Variants in EDEM1 observed in about 807,000 individuals in gnomAD.
EDEM1 encodes ER degradation-enhancing alpha-mannosidase-like protein 1.
Under a neutral mutation model 74.4 loss-of-function variants are expected in EDEM1, and 67 were observed. The ratio of observed to expected loss-of-function variants is 0.90; its 90% CI spans 0.74 to 1.10. EDEM1 has a LOEUF of 1.10. Among genes scored for constraint, EDEM1 ranks in the 50% least tolerant of loss-of-function variants. The pLI is 0.00. For synonymous variants in EDEM1, 382 were observed against 335.9 expected, an observed-to-expected ratio of 1.14 and a Z score of -1.50; for missense variants, 926 against 851.6, an observed-to-expected ratio of 1.09 and a Z score of -1.09.
chr3:5,212,490 C>T (rs2055178993), intron 10 of EDEM1, among the ~76,000 whole-genome samples: 1 of 152,158 alleles, frequency 6.6e-6, no homozygotes, highest in Admixed American at 6.5e-5. Flanking sequence ...GAAGGTGACC[C>T]TGGAGGGTGT....
intron 2 of EDEM1, among the ~76,000 whole-genome samples, chr3:5,196,650 G>A (rs1279003712): frequency 6.6e-6 from 1 of 152,072 alleles, no homozygotes; most frequent in Non-Finnish European, 1.5e-5. Context: ...GGAAATCTGG[G>A]GTACTGATTT....
intron 2 of EDEM1, among the ~76,000 whole-genome samples, chr3:5,195,506 A>T (rs901787196): frequency 2.0e-5 from 3 of 152,226 alleles, no homozygotes; most frequent in Admixed American, 1.3e-4. Flanking sequence ...GAAGGAATGT[A>T]CGATTGATTT....
At chr3:5,204,373 CTT>C (rs111864790) in intron 5 of EDEM1, among the ~76,000 whole-genome samples, 1 of 145,454 alleles carries the variant, frequency 6.9e-6, no homozygotes, top group Admixed American at 6.9e-5. Context: ...TTTCCCTTTT[CTT>C]TTTTTTTTTG....
Position 5,219,020 on chromosome 3 carries a change from A to G in EDEM1, c.*3102A>G, listed in dbSNP as rs183727688. On this transcript the variant is annotated 3_prime_UTR_variant, in exon 12 of 12. Transcript: ENST00000256497. ...TGTCTGTGCACGTGACTATTAGAGG[A>G]GCGTCTGTAGAAGTACCTGGTTTGG... 13 of 152,300 alleles carry G rather than the reference A, an allele frequency of 8.5e-5. No homozygotes were observed. The East Asian group carries it at 2.3e-3, about 27-fold the overall frequency. The allele number at this position is 152,300 out of a possible 1,614,324, so 9.4% of individuals were successfully genotyped here.
In EDEM1 at chr3:5,219,897, T is replaced by C. The variant is rs961358097; in HGVS notation, c.*3979T>C. ...TTTATAAATGTAATAAGGAATATCT[T>C]GCTCTTTAAAATTTATTAGGATTTT... On this transcript the variant is annotated 3_prime_UTR_variant, in exon 12 of 12. Transcript: ENST00000256497. 2.6e-5 allele frequency: 4 copies of C among 152,662 alleles called. No individual in the cohort carries two copies. Among genetic ancestry groups the C allele is most frequent in the African/African-American group, 9.6e-5 (4 of 41,478 alleles). The allele number at this position is 152,662 out of a possible 1,614,324, so 9.5% of individuals were successfully genotyped here.
At chr3:5,203,196 C>T (rs1018895781) in intron 5 of EDEM1, 47 bp downstream of exon 5, 3 of 1,475,202 alleles carry the variant, frequency 2.0e-6, no homozygotes, top group African/African-American at 2.9e-5. Flanking sequence ...GCTTGGTCCC[C>T]TTTTCCTTTC....
intron 11 of EDEM1, among the ~76,000 whole-genome samples, chr3:5,215,014 G>C (rs74603779): frequency 0.033 from 5,040 of 152,264 alleles, 280 homozygotes; most frequent in African/African-American, 0.11. Context: ...ATGAAAAGGG[G>C]TATCCCAGAA....
intron 4 of EDEM1, 105 bp from the exon 5 acceptor site, chr3:5,202,861 G>C (rs73809803): frequency 1.0e-6 from 1 of 962,196 alleles, no homozygotes; most frequent in Non-Finnish European, 1.6e-6. Flanking sequence ...GACTCTCACC[G>C]TGGTAAGCTT....
intron 1 of EDEM1, among the ~76,000 whole-genome samples, chr3:5,194,035 G>T (rs1234679986): frequency 6.6e-6 from 1 of 152,164 alleles, no homozygotes; most frequent in Non-Finnish European, 1.5e-5. Context: ...CCCAGCTGAG[G>T]CACAGGCCTT....
At position 5,203,157 on chromosome 3, in the gene EDEM1, A is replaced by G; in HGVS notation, c.1042+8A>G. 6.4e-7 allele frequency: 1 copy of G among 1,552,772 alleles called. No individual in the cohort carries two copies. Among genetic ancestry groups the G allele is most frequent in the East Asian group, 2.3e-5 (1 of 43,708 alleles). ...ATGATACAGGATTACTAGGTGTGGC[A>G]CCTTTCCTCGCCATTGGGACTGCAC... On this transcript the variant is annotated splice_region_variant and intron_variant, in intron 5 of 11. Transcript: ENST00000256497.
At chr3:5,215,629 G>A (rs188481673) in intron 11 of EDEM1, among the ~76,000 whole-genome samples, 200 bp from the exon 12 acceptor site, 10 of 152,198 alleles carry the variant, frequency 6.6e-5, no homozygotes, top group African/African-American at 1.4e-4. Flanking sequence ...CAGCTGAGGC[G>A]TAGGAGTTGC....
chr3:5,212,088 C>A (rs2055175154), intron 10 of EDEM1, among the ~76,000 whole-genome samples: 1 of 152,176 alleles, frequency 6.6e-6, no homozygotes, highest in Non-Finnish European at 1.5e-5. Context: ...GGGTCCAAAT[C>A]ACCCTGGGGC....
chr3:5,196,042 C>G (rs2054962226), intron 2 of EDEM1, among the ~76,000 whole-genome samples: 1 of 152,238 alleles, frequency 6.6e-6, no homozygotes, highest in Non-Finnish European at 1.5e-5. Context: ...TGCTTTCCTT[C>G]ATTGTCCAGC....
rs968737261 is a variant in EDEM1 at position 5,213,467 on chromosome 3, A to G, written c.1829A>G (p.Lys610Arg). ...SEEGGQDQGG[K>R]SVHRPKPHEL... ...GAGGGAGGGCAGGACCAAGGGGGAA[A>G]GTCTGTGCACAGGCCGAAACCTCAT... Residue 610 changes from lysine to arginine, a missense_variant, in exon 11 of 12, where the codon AAG becomes AGG. Transcript: ENST00000256497. 3 of 1,614,104 alleles carry G rather than the reference A, an allele frequency of 1.9e-6. No homozygotes were observed. Among genetic ancestry groups the G allele is most frequent in the Middle Eastern group, 1.6e-4 (1 of 6,062 alleles).
intron 6 of EDEM1, among the ~76,000 whole-genome samples, chr3:5,206,098 G>A (rs909970163): frequency 2.0e-5 from 3 of 151,790 alleles, no homozygotes; most frequent in African/African-American, 7.3e-5. Context: ...CTCTGAGTTT[G>A]TTTAAAACAT....
At chr3:5,198,462 G>T (rs2054996128) in intron 2 of EDEM1, among the ~76,000 whole-genome samples, 1 of 152,178 alleles carries the variant, frequency 6.6e-6, no homozygotes, top group African/African-American at 2.4e-5. Flanking sequence ...TACATAAACA[G>T]TAGGGCAGAG....
rs763515268 is a variant in EDEM1, at chr3:5,205,292, A to G, written c.1217+51A>G. The G allele has an allele frequency of 4.8e-5, 74 of 1,549,612 alleles. 1 individual carries two copies. The Admixed American group carries it at 1.4e-3, about 29-fold the overall frequency. The stretch of plus-strand genomic sequence containing the variant: ...TTGCCTTGTAAAGCAAATAGAATGC[A>G]TTCTGAAGCGTTTGTATTTTTTTTA... On this transcript the variant is annotated intron_variant, in intron 6 of 11. Transcript: ENST00000256497.
Position 5,218,529 on chromosome 3 carries a change from T to C in EDEM1, c.*2611T>C, listed in dbSNP as rs993714340. The C allele has an allele frequency of 1.2e-4, 19 of 152,142 alleles. No individual in the cohort carries two copies. Among genetic ancestry groups the C allele is most frequent in the African/African-American group, 4.6e-4 (19 of 41,416 alleles). 9.4% of individuals were successfully genotyped at this position (152,142 alleles called of 1,614,324 possible). A position where few individuals can be genotyped will look rare whatever the true frequency, so the allele number is the denominator to read the frequency against. ...GCCCCAGGATTGCCTCAAATCTGAG[T>C]GGACTTCATCCTTTGCGGCGGCTCT... On this transcript the variant is annotated 3_prime_UTR_variant, in exon 12 of 12. Coordinates refer to ENST00000256497, the MANE Select transcript of EDEM1 (RefSeq NM_014674.3).
At chr3:5,204,287 A>G (rs992619996) in intron 5 of EDEM1, among the ~76,000 whole-genome samples, 11 of 152,172 alleles carry the variant, frequency 7.2e-5, no homozygotes, top group African/African-American at 2.4e-4. Context: ...TTGGCAGATC[A>G]TTTGTTTCCA....
Sources: gnomAD v4.1 joint callset for allele counts (sites outside exome capture counted in the v4.1 genomes callset) on GRCh38, gnomAD v4.1.1 for gene constraint, MANE v1.5 for transcripts, NCBI Gene and HGNC (gene_info 2026-07-23, HGNC 2026-07-21) for gene names.